MAPDA: variants seen among roughly 807,000 people sequenced by gnomAD.
MAPDA encodes N6,N6-dimethyl-AMP deaminase.
the MAPDA span, among the ~76,000 whole-genome samples, chr15:43,347,674 T>C: frequency 2.0e-5 from 3 of 152,228 alleles, no homozygotes; most frequent in Non-Finnish European, 4.4e-5. Flanking sequence ...TATAAATGGA[T>C]GTATTTTTTA....
At chr15:43,345,354 CAA>C in the MAPDA span, among the ~76,000 whole-genome samples, 5 of 35,730 alleles carry the variant, frequency 1.4e-4, no homozygotes, top group Non-Finnish European at 2.0e-4. Flanking sequence ...GATTCCATCT[CAA>C]AAAAAAAAAA....
At chr15:43,333,746 A>T in the MAPDA span, among the ~76,000 whole-genome samples, 3 of 152,238 alleles carry the variant, frequency 2.0e-5, no homozygotes, top group Admixed American at 2.0e-4. Flanking sequence ...AGGATTAAAG[A>T]TAACATTATT....
At chr15:43,351,340 A>C in the MAPDA span, 1 of 334,798 alleles carries the variant, frequency 3.0e-6, no homozygotes, top group Non-Finnish European at 5.4e-6. Context: ...AAGCAAAAAA[A>C]AAAAGGGACT....
the MAPDA span, chr15:43,336,732 A>C: frequency 6.9e-7 from 1 of 1,439,176 alleles, no homozygotes; most frequent in Non-Finnish European, 9.3e-7. Flanking sequence ...ATTATGAAGT[A>C]ATTTCCTTCC....
At chr15:43,331,347 G>C in the MAPDA span, among the ~76,000 whole-genome samples, 1 of 152,204 alleles carries the variant, frequency 6.6e-6, no homozygotes, top group African/African-American at 2.4e-5. Flanking sequence ...GTAAATCCAG[G>C]TTAGACTTCA....
At chr15:43,351,812 C>T in the MAPDA span, 38 of 1,551,590 alleles carry the variant, frequency 2.4e-5, no homozygotes, top group African/African-American at 4.8e-4. Flanking sequence ...GCAGCTGAAA[C>T]ATTTAATTTG....
At chr15:43,350,699 G>A in the MAPDA span, among the ~76,000 whole-genome samples, 40,383 of 152,096 alleles carry the variant, frequency 0.27, 8,577 homozygotes, top group African/African-American at 0.58. Flanking sequence ...GTGCATGGCT[G>A]TAAAAGGGAT....
chr15:43,342,874 TTAAC>T, the MAPDA span: 2 of 695,172 alleles, frequency 2.9e-6, no homozygotes, highest in South Asian at 2.1e-5. Flanking sequence ...TCACTCATCT[TTAAC>T]TATGCCCTTG....
At chr15:43,342,382 T>A in the MAPDA span, among the ~76,000 whole-genome samples, 1 of 149,650 alleles carries the variant, frequency 6.7e-6, no homozygotes, top group Non-Finnish European at 1.5e-5. Flanking sequence ...CGAGCAGGAT[T>A]GAGGGGAAAG....
At chr15:43,347,264 A>G in the MAPDA span, among the ~76,000 whole-genome samples, 26,260 of 152,164 alleles carry the variant, frequency 0.17, 2,458 homozygotes, top group Middle Eastern at 0.27. Flanking sequence ...TTCAGTCTCT[A>G]CTGTTACTGT....
chr15:43,353,633 A>C, the MAPDA span: 1 of 152,254 alleles, frequency 6.6e-6, no homozygotes, highest in East Asian at 1.9e-4. Context: ...TCCTCCCCCA[A>C]ACTCTTGGGA....
At chr15:43,342,896 A>G in the MAPDA span, 1 of 902,240 alleles carries the variant, frequency 1.1e-6, no homozygotes, top group Non-Finnish European at 1.7e-6. Context: ...TTGTCATAGC[A>G]TAAAGTGAAA....
chr15:43,330,671 T>C, the MAPDA span: 1 of 622,800 alleles, frequency 1.6e-6, no homozygotes, highest in East Asian at 3.2e-5. Flanking sequence ...TTGAGGAGGG[T>C]GTAGCCAGTG....
At chr15:43,343,174 T>A in the MAPDA span, 1 of 785,180 alleles carries the variant, frequency 1.3e-6, no homozygotes, top group Non-Finnish European at 1.9e-6. Context: ...AAATTAATCA[T>A]TCATTGATTT....
At chr15:43,342,700 A>G in the MAPDA span, among the ~76,000 whole-genome samples, 1 of 151,836 alleles carries the variant, frequency 6.6e-6, no homozygotes, top group Non-Finnish European at 1.5e-5. Flanking sequence ...CAGTGAGGCA[A>G]GATCATGCCA....
the MAPDA span, among the ~76,000 whole-genome samples, chr15:43,333,148 G>A: frequency 1.8e-4 from 28 of 152,236 alleles, no homozygotes; most frequent in South Asian, 5.2e-3. Flanking sequence ...CTGGCCGGGC[G>A]CAGTGGCTCG....
At chr15:43,340,488 A>C in the MAPDA span, 1 of 685,862 alleles carries the variant, frequency 1.5e-6, no homozygotes, top group Non-Finnish European at 2.5e-6. Flanking sequence ...ACCTTTAGTC[A>C]ACAGTCCAAG....
At chr15:43,337,872 G>T in the MAPDA span, among the ~76,000 whole-genome samples, 1 of 152,186 alleles carries the variant, frequency 6.6e-6, no homozygotes, top group African/African-American at 2.4e-5. Flanking sequence ...TTTATAATTA[G>T]GTTGGAGAGA....
chr15:43,330,498 G>A, the MAPDA span: 1 of 1,515,474 alleles, frequency 6.6e-7, no homozygotes, highest in Non-Finnish European at 8.8e-7. Flanking sequence ...ATGGCCAGAA[G>A]AGACTCAGGA....
Sources: allele counts gnomAD v4.1 joint callset (sites outside exome capture counted in the v4.1 genomes callset), GRCh38; gene constraint gnomAD v4.1.1; transcripts MANE v1.5; gene names NCBI Gene and HGNC (gene_info 2026-07-23, HGNC 2026-07-21).